Variants in ZNF787 observed in about 807,000 individuals in gnomAD.
ZNF787 encodes TTF-I-interacting peptide 20.
Under a neutral mutation model 16.9 loss-of-function variants are expected in ZNF787, and 7 were observed. The observed-to-expected ratio is 0.42, with a 90% CI of 0.24 to 0.78. The LOEUF is 0.78. Among genes scored for constraint, ZNF787 ranks in the 30% least tolerant of loss-of-function variants. The pLI is 0.30. For missense variants in ZNF787, 551 were observed against 589.3 expected (o/e 0.94, Z 0.67); for synonymous variants, 345 against 270.9 (o/e 1.27, Z -2.69).
intron 2 of ZNF787, among the ~76,000 whole-genome samples, chr19:56,092,414 C>A (rs951463135): frequency 6.6e-6 from 1 of 152,204 alleles, no homozygotes; most frequent in Non-Finnish European, 1.5e-5. Context: ...ATCCCCTACG[C>A]CCCAGGCTCT....
chr19:56,089,187 C>T, intron 2 of ZNF787, 95 bp from the exon 3 acceptor site: 1 of 901,396 alleles, frequency 1.1e-6, no homozygotes, highest in Non-Finnish European at 1.6e-6. Flanking sequence ...CCTCGCTCCC[C>T]CTGGCGCAGG....
At chr19:56,097,635 G>A (rs979100018) in intron 2 of ZNF787, among the ~76,000 whole-genome samples, 3 of 152,348 alleles carry the variant, frequency 2.0e-5, no homozygotes, top group South Asian at 2.1e-4. Flanking sequence ...TTTTATTTTG[G>A]TCTCCTATAA....
intron 1 of ZNF787, among the ~76,000 whole-genome samples, chr19:56,108,829 CG>C (rs1248203901): frequency 6.6e-6 from 1 of 152,146 alleles, no homozygotes; most frequent in African/African-American, 2.4e-5. Flanking sequence ...CTGGGTGCCT[CG>C]GATGGAAGAG....
chr19:56,097,079 C>G (rs1273541038), intron 2 of ZNF787, among the ~76,000 whole-genome samples: 2 of 152,134 alleles, frequency 1.3e-5, no homozygotes, highest in Non-Finnish European at 2.9e-5. Flanking sequence ...CCTCAGCCTG[C>G]AGGAGGCTGC....
At chr19:56,119,843 A>G (rs1440645431) in intron 1 of ZNF787, among the ~76,000 whole-genome samples, 1 of 152,244 alleles carries the variant, frequency 6.6e-6, no homozygotes, top group East Asian at 1.9e-4. Context: ...AGCAGCGTTT[A>G]GCCAAAGAGG....
rs781534458 is a variant in ZNF787, at chr19:56,089,107, G to A, written c.80-15C>T. 2.5e-5 allele frequency: 36 copies of A among 1,445,092 alleles called. No individual in the cohort carries two copies. In the African/African-American group the frequency reaches 4.4e-4, roughly 18 times the overall value. The allele number at this position is 1,445,092 out of a possible 1,614,324, so 89.5% of individuals were successfully genotyped here. A position where few individuals can be genotyped will look rare whatever the true frequency, so the allele number is the denominator to read the frequency against. On this transcript the variant is annotated splice_polypyrimidine_tract_variant and intron_variant, in intron 2 of 2. Transcript: ENST00000610935. ...GAGGATGTCCACTGGAAAGCAAGAG[G>A]GTAGGGGGAGGTGAGTCAAGAGAGG...
intron 2 of ZNF787, among the ~76,000 whole-genome samples, chr19:56,089,779 C>T (rs1291331529): frequency 2.0e-5 from 3 of 152,198 alleles, no homozygotes. Context: ...ACAATTCGGG[C>T]ACACAGGGCT....
At chr19:56,099,836 G>A (rs1986024263) in intron 2 of ZNF787, among the ~76,000 whole-genome samples, 1 of 152,100 alleles carries the variant, frequency 6.6e-6, no homozygotes. Context: ...CAGCTGGGAG[G>A]CAGACGGGGA....
At chr19:56,101,028 G>A (rs1195470528) in intron 2 of ZNF787, among the ~76,000 whole-genome samples, 4 of 134,674 alleles carry the variant, frequency 3.0e-5, no homozygotes, top group East Asian at 2.2e-4. Context: ...CCCCACCTAC[G>A]AAGTCTGTCA....
chr19:56,108,144 G>C (rs1377815671), intron 1 of ZNF787, among the ~76,000 whole-genome samples: 1 of 152,082 alleles, frequency 6.6e-6, no homozygotes, highest in Non-Finnish European at 1.5e-5. Flanking sequence ...ACTCCCAGGA[G>C]ACTCTCTCAG....
rs769481143 is a variant in ZNF787, at chr19:56,088,881, G to T, written c.291C>A (p.Ala97=). The change falls in exon 3 of 3, where the codon GCC becomes GCA. Residue 97 remains alanine (A), a synonymous_variant. Transcript: ENST00000610935. The surrounding 1 kb of genome is among the most constrained non-coding windows in gnomAD (Gnocchi z 8.6). ...THTGERPNAC[A]DCGKTFSQSS... ...TCTGCGAGAAGGTCTTGCCGCAGTC[G>T]GCGCAGGCGTTGGGCCGCTCGCCGG... 6.2e-7 allele frequency: 1 copy of T among 1,606,868 alleles called. No homozygotes were observed. Among genetic ancestry groups the T allele is most frequent in the Admixed American group, 1.7e-5 (1 of 59,420 alleles).
Position 56,087,783 on chromosome 19 carries a change from TAACTTAGGAAGGGCGGGCCAGGCTGAG to T in ZNF787, c.*213_*239del. 1.9e-6 allele frequency: 1 copy of T among 533,136 alleles called. No homozygotes were observed. The highest frequency in any genetic ancestry group is 5.0e-5 in the East Asian group (1 of 19,836). The allele number at this position is 533,136 out of a possible 1,614,324, so 33.0% of individuals were successfully genotyped here. On this transcript the variant is annotated 3_prime_UTR_variant, in exon 3 of 3. Coordinates refer to ENST00000610935, the MANE Select transcript of ZNF787 (RefSeq NM_001002836.4). ...ATTGTCTCTCCGGCTCGCAGGCCGA[TAACTTAGGAAGGGCGGGCCAGGCTGAG>T]GGGGCAGAGTCTCGAGGCGGAGAAG...
In ZNF787 at chr19:56,087,906, G is replaced by A. The variant is rs1985360310; in HGVS notation, c.*117C>T. ...GGGACAGAGGAGGGCGGGGAGCCGG[G>A]GATGCCGCGGGGTCCATCGCACCCC... is the stretch of plus-strand genomic sequence containing the variant. On this transcript the variant is annotated 3_prime_UTR_variant, in exon 3 of 3. Transcript: ENST00000610935. 3 of 1,273,072 alleles carry A rather than the reference G, an allele frequency of 2.4e-6. No individual in the cohort carries two copies. The highest frequency in any genetic ancestry group is 2.0e-6 in the Non-Finnish European group (2 of 1,009,492). The allele number at this position is 1,273,072 out of a possible 1,614,324, so 78.9% of individuals were successfully genotyped here.
At chr19:56,108,700 G>A (rs1477793997) in intron 1 of ZNF787, among the ~76,000 whole-genome samples, 1 of 152,106 alleles carries the variant, frequency 6.6e-6, no homozygotes, top group African/African-American at 2.4e-5. Flanking sequence ...CAAAGCACAG[G>A]CTTAAGACCA....
chr19:56,097,724 C>T (rs373352320), intron 2 of ZNF787, among the ~76,000 whole-genome samples: 195 of 152,342 alleles, frequency 1.3e-3, no homozygotes, highest in African/African-American at 4.5e-3. Flanking sequence ...CCGGCCCTGA[C>T]GGCAAAGGCG....
In ZNF787 at chr19:56,088,280, G is replaced by C; in HGVS notation, c.892C>G (p.His298Asp). ...GFGHGAGLLAHQRAQHGDGLG... is the reference protein window; with the variant it reads ...GFGHGAGLLADQRAQHGDGLG... The stretch of plus-strand genomic sequence containing the variant: ...CCGTCCCCGTGCTGGGCCCGCTGGT[G>C]CGCCAGGAGCCCGGCCCCGTGCCCG... Residue 298 changes from histidine (H) to aspartate (D), a missense_variant, in exon 3 of 3, where the codon CAC becomes GAC. Coordinates refer to ENST00000610935, the MANE Select transcript of ZNF787 (RefSeq NM_001002836.4). The surrounding 1 kb of genome is among the most constrained non-coding windows in gnomAD (Gnocchi z 8.6). 1 of 1,394,226 alleles carries C rather than the reference G, an allele frequency of 7.2e-7. No homozygotes were observed. Among genetic ancestry groups the C allele is most frequent in the Non-Finnish European group, 9.3e-7 (1 of 1,078,090 alleles). 86.4% of individuals were successfully genotyped at this position (1,394,226 alleles called of 1,614,324 possible). A position where few individuals can be genotyped will look rare whatever the true frequency, so the allele number is the denominator to read the frequency against.
chr19:56,103,747 G>A (rs893773443), intron 1 of ZNF787, among the ~76,000 whole-genome samples: 12 of 152,002 alleles, frequency 7.9e-5, no homozygotes, highest in African/African-American at 1.9e-4. Context: ...GCCACACACC[G>A]TGAGGGTCTC....
Position 56,087,858 on chromosome 19 carries a change from A to T in ZNF787, c.*165T>A. The T allele has an allele frequency of 8.8e-7, 1 of 1,135,440 alleles. No homozygotes were observed. The highest frequency in any genetic ancestry group is 1.1e-6 in the Non-Finnish European group (1 of 894,528). The allele number at this position is 1,135,440 out of a possible 1,614,324, so 70.3% of individuals were successfully genotyped here. A position where few individuals can be genotyped will look rare whatever the true frequency, so the allele number is the denominator to read the frequency against. On this transcript the variant is annotated 3_prime_UTR_variant, in exon 3 of 3. Coordinates refer to ENST00000610935, the MANE Select transcript of ZNF787 (RefSeq NM_001002836.4). Reference sequence around the variant, plus strand: ...AAGTGAACGGGCCCTAATACGCCCCAGTGCCCCCCCACGGACGGCGCAGGG... The same window carrying T: ...AAGTGAACGGGCCCTAATACGCCCCTGTGCCCCCCCACGGACGGCGCAGGG...
At chr19:56,110,743 G>A (rs547533188) in intron 1 of ZNF787, among the ~76,000 whole-genome samples, 3 of 152,342 alleles carry the variant, frequency 2.0e-5, no homozygotes, top group Admixed American at 6.5e-5. Flanking sequence ...CTTCCTGCAG[G>A]GTGAAGGCCT....
Sources: gnomAD v4.1 joint callset for allele counts (sites outside exome capture counted in the v4.1 genomes callset) on GRCh38, gnomAD v4.1.1 for gene constraint, Gnocchi (gnomAD v3.1) non-coding constraint, MANE v1.5 for transcripts, NCBI Gene and HGNC (gene_info 2026-07-23, HGNC 2026-07-21) for gene names.